Variants in SNX8 observed in about 807,000 individuals in gnomAD.
The protein encoded by SNX8 is sorting nexin-8.
In SNX8, 25 loss-of-function variants were observed where a neutral mutation model predicts 51.6. The observed-to-expected ratio is 0.48, with a 90% CI of 0.35 to 0.68. The LOEUF (loss-of-function observed/expected upper bound fraction) is 0.68, where lower values mean the gene tolerates loss of function less well. Ranked by LOEUF, SNX8 falls within the 30% of genes least tolerant of loss-of-function variation. The pLI, the probability that SNX8 is intolerant of heterozygous loss-of-function variation, is 0.00. For missense variants in SNX8, 695 were observed against 624.0 expected, an observed-to-expected ratio of 1.11 and a Z score of -1.21; for synonymous variants, 324 against 277.0, an observed-to-expected ratio of 1.17 and a Z score of -1.68.
intron 1 of SNX8, among the ~76,000 whole-genome samples, chr7:2,325,014 T>C (rs1221023074): frequency 1.3e-5 from 2 of 152,094 alleles, no homozygotes; most frequent in South Asian, 2.1e-4. Context: ...TATTTATTTT[T>C]TGTAGAATGG....
intron 1 of SNX8, among the ~76,000 whole-genome samples, chr7:2,331,582 G>GT (rs1276096852): frequency 6.6e-6 from 1 of 151,944 alleles, no homozygotes; most frequent in African/African-American, 2.4e-5. Context: ...GCAGGCGGCT[G>GT]TAATACCAGC....
At chr7:2,342,512 G>A (rs1037399260) in intron 1 of SNX8, among the ~76,000 whole-genome samples, 18 of 151,772 alleles carry the variant, frequency 1.2e-4, no homozygotes, top group African/African-American at 1.2e-4. Flanking sequence ...AAAATCAGCC[G>A]GACGCAGTGG....
intron 4 of SNX8, among the ~76,000 whole-genome samples, chr7:2,270,342 G>C (rs1206950053): frequency 3.9e-5 from 1 of 25,388 alleles, no homozygotes; most frequent in Non-Finnish European, 8.8e-5. Context: ...AAAAAAAAAA[G>C]ACCTGAGGCC....
At position 2,337,852 on chromosome 7, in the gene SNX8, T is replaced by TAAA. The variant is rs66642038; in HGVS notation, c.-66+16367_-66+16369dup. Among the ~76,000 whole-genome samples the TAAA allele has an allele frequency of 3.3e-3, 431 of 131,480 alleles. 4 individuals are homozygous for TAAA. The highest frequency in any genetic ancestry group is 0.011 in the African/African-American group (403 of 36,158). The allele number at this position is 131,480 out of a possible 152,430, so 86.3% of individuals were successfully genotyped here. A position where few individuals can be genotyped will look rare whatever the true frequency, so the allele number is the denominator to read the frequency against. Reference sequence around the variant, plus strand: ...CTCAAGCAAATAAAAGGATATCTTGTAAAAAAAAAAAAAAGGGAAAAGAAA... The same window carrying TAAA: ...CTCAAGCAAATAAAAGGATATCTTGTAAAAAAAAAAAAAAAAAGGGAAAAGAAA... On this transcript the variant is annotated intron_variant, in intron 1 of 5. Transcript: ENST00000435336.
chr7:2,257,532 G>A lies in SNX8; in HGVS notation c.985-18C>T. On this transcript the variant is annotated intron_variant, in intron 8 of 10. Coordinates refer to ENST00000222990, the MANE Select transcript of SNX8 (RefSeq NM_013321.4). ...CACAGGTCCTGCGGGGCCGGGGGAG[G>A]CATTCGCCCGCTGTCTGGATGCCTG... 6.3e-7 allele frequency: 1 copy of A among 1,599,452 alleles called. No individual in the cohort carries two copies. The highest frequency in any genetic ancestry group is 8.5e-7 in the Non-Finnish European group (1 of 1,177,656).
chr7:2,320,960 C>G (rs930538527), intron 1 of SNX8, among the ~76,000 whole-genome samples: 1 of 152,100 alleles, frequency 6.6e-6, no homozygotes, highest in African/African-American at 2.4e-5. Context: ...GTGGAGGTTG[C>G]AGTGAGCCAA....
At chr7:2,303,509 G>C (rs1393490487) in intron 1 of SNX8, among the ~76,000 whole-genome samples, 1 of 152,244 alleles carries the variant, frequency 6.6e-6, no homozygotes, top group Non-Finnish European at 1.5e-5. Context: ...TTGTGGAATA[G>C]AAGGGCGGGA....
At chr7:2,346,055 G>GC (rs1420282496) in intron 1 of SNX8, among the ~76,000 whole-genome samples, 2 of 152,000 alleles carry the variant, frequency 1.3e-5, no homozygotes, top group East Asian at 1.9e-4. Context: ...TGATCTGCCT[G>GC]CTCAGCCTCC....
intron 1 of SNX8, among the ~76,000 whole-genome samples, chr7:2,349,244 A>AT (rs1322471821): frequency 6.6e-6 from 1 of 151,730 alleles, no homozygotes; most frequent in Non-Finnish European, 1.5e-5. Flanking sequence ...GCGTAATATT[A>AT]TAGTAAAGTG....
chr7:2,278,670 C>T lies in SNX8; in HGVS notation c.95-365G>A, dbSNP rs868125440. 1.9e-4 allele frequency among the ~76,000 whole-genome samples: 24 copies of T among 129,156 alleles called. 1 individual carries two copies. The highest frequency in any genetic ancestry group is 4.0e-4 in the African/African-American group (13 of 32,216). The allele number at this position is 129,156 out of a possible 152,430, so 84.7% of individuals were successfully genotyped here. On this transcript the variant is annotated intron_variant, in intron 1 of 10. Transcript: ENST00000222990. ...CGGACTCACACTACGGAGTCGACGC[C>T]GGACTCACTCACACTACGGAGTCGA...
chr7:2,289,602 G>A (rs1007879194), intron 1 of SNX8, among the ~76,000 whole-genome samples: 1 of 152,006 alleles, frequency 6.6e-6, no homozygotes, highest in Non-Finnish European at 1.5e-5. Context: ...CCTCAGAGAG[G>A]AAGCAAAAAT....
chr7:2,297,092 G>A (rs1161499974), intron 1 of SNX8, among the ~76,000 whole-genome samples: 4 of 151,960 alleles, frequency 2.6e-5, no homozygotes, highest in East Asian at 1.9e-4. Context: ...AGATGTTGGC[G>A]TAGATGTGGT....
chr7:2,351,833 A>AAAAT (rs1435245326), intron 1 of SNX8, among the ~76,000 whole-genome samples: 111 of 151,802 alleles, frequency 7.3e-4, no homozygotes, highest in African/African-American at 2.5e-3. Flanking sequence ...TCCATCTCAA[A>AAAAT]AAATAAATAA....
intron 1 of SNX8, chr7:2,308,019 C>G (rs1176471899): frequency 6.6e-6 from 1 of 151,986 alleles, no homozygotes. Context: ...CAAATTGACA[C>G]GTTTTACCTT....
intron 3 of SNX8, 49 bp from the exon 4 acceptor site, chr7:2,272,020 C>T: frequency 6.2e-7 from 1 of 1,607,952 alleles, no homozygotes; most frequent in Non-Finnish European, 8.5e-7. Context: ...CGCCGGCCCC[C>T]ATCTTCTGCT....
intron 1 of SNX8, among the ~76,000 whole-genome samples, chr7:2,310,863 T>C (rs778605974): frequency 4.7e-4 from 71 of 152,152 alleles, no homozygotes; most frequent in Non-Finnish European, 1.3e-4. Flanking sequence ...TAAGGAAGTA[T>C]ATGTTTCCTG....
At chr7:2,350,654 T>C (rs544726346) in intron 1 of SNX8, among the ~76,000 whole-genome samples, 8 of 149,586 alleles carry the variant, frequency 5.3e-5, no homozygotes, top group African/African-American at 2.0e-4. Context: ...TAAAAACAAT[T>C]TTTTTTTTTT....
At chr7:2,273,835 C>G (rs1314996216) in intron 3 of SNX8, among the ~76,000 whole-genome samples, 1 of 151,014 alleles carries the variant, frequency 6.6e-6, no homozygotes, top group Non-Finnish European at 1.5e-5. Context: ...ACCCGGGAGG[C>G]GGAGCTTGCC....
intron 1 of SNX8, among the ~76,000 whole-genome samples, chr7:2,328,551 G>A (rs549594617): frequency 2.0e-5 from 3 of 151,858 alleles, no homozygotes; most frequent in East Asian, 2.0e-4. Context: ...GGTGGTTCAC[G>A]CCTGTAATCC....
Sources: gnomAD v4.1 joint callset for allele counts (sites outside exome capture counted in the v4.1 genomes callset) on GRCh38, gnomAD v4.1.1 for gene constraint, MANE v1.5 for transcripts, NCBI Gene and HGNC (gene_info 2026-07-23, HGNC 2026-07-21) for gene names.